Variants in ATRNL1 observed in about 807,000 individuals in gnomAD.
ATRNL1 encodes attractin-like protein 1.
A neutral mutation model predicts 182.7 loss-of-function variants in ATRNL1; 95 were observed. The ratio of observed to expected loss-of-function variants is 0.52; its 90% CI spans 0.44 to 0.62. ATRNL1 has a LOEUF of 0.62. Among genes scored for constraint, ATRNL1 ranks in the 20% least tolerant of loss-of-function variants. The pLI is 0.00. For missense variants in ATRNL1, 1,471 were observed against 1,679.5 expected (o/e 0.88, Z 2.17); for synonymous variants, 576 against 568.3 (o/e 1.01, Z -0.19).
intron 26 of ATRNL1, among the ~76,000 whole-genome samples, chr10:115,594,692 A>C (rs775665921): frequency 9.2e-5 from 14 of 152,116 alleles, no homozygotes; most frequent in Non-Finnish European, 1.9e-4. Context: ...TTTAATGGAG[A>C]TGAGGTTTCC....
At chr10:115,406,309 A>G in intron 20 of ATRNL1, among the ~76,000 whole-genome samples, 1 of 152,068 alleles carries the variant, frequency 6.6e-6, no homozygotes, top group Non-Finnish European at 1.5e-5. Context: ...TGATAATTCC[A>G]GTTTTGTTTT....
intron 19 of ATRNL1, among the ~76,000 whole-genome samples, chr10:115,366,105 G>A (rs1857022719): frequency 6.6e-6 from 1 of 152,002 alleles, no homozygotes; most frequent in Non-Finnish European, 1.5e-5. Flanking sequence ...TCTGTCTAAT[G>A]TTGACAGTGG....
At chr10:115,924,535 GT>G (rs1953162209) in intron 28 of ATRNL1, among the ~76,000 whole-genome samples, 1 of 152,060 alleles carries the variant, frequency 6.6e-6, no homozygotes, top group Non-Finnish European at 1.5e-5. Context: ...TTTTTGTCAG[GT>G]TTGTGGCAGA....
At chr10:115,508,100 T>G (rs7911518) in intron 24 of ATRNL1, among the ~76,000 whole-genome samples, 4,202 of 152,152 alleles carry the variant, frequency 0.028, 228 homozygotes, top group African/African-American at 0.097. Context: ...CACCACATTT[T>G]GGTTATTTTT....
At chr10:115,745,465 T>C (rs1408371144) in intron 27 of ATRNL1, among the ~76,000 whole-genome samples, 1 of 152,158 alleles carries the variant, frequency 6.6e-6, no homozygotes, top group Admixed American at 6.6e-5. Flanking sequence ...ATAAAATATG[T>C]TTTTATTTCT....
chr10:115,510,236 A>G (rs1592761426), intron 24 of ATRNL1, among the ~76,000 whole-genome samples: 2 of 152,108 alleles, frequency 1.3e-5, no homozygotes, highest in South Asian at 2.1e-4. Flanking sequence ...GGAATATCAC[A>G]TAAACTTGAT....
chr10:115,436,487 C>G (rs561588450), intron 21 of ATRNL1, among the ~76,000 whole-genome samples: 1 of 152,018 alleles, frequency 6.6e-6, no homozygotes, highest in South Asian at 2.1e-4. Flanking sequence ...GATATGATAT[C>G]TAGCAAATGC....
intron 28 of ATRNL1, among the ~76,000 whole-genome samples, chr10:115,935,084 A>G (rs917935334): frequency 6.6e-6 from 1 of 152,156 alleles, no homozygotes; most frequent in African/African-American, 2.4e-5. Flanking sequence ...TCACGCCTCT[A>G]TCTTTCTTTT....
At chr10:115,690,569 C>T (rs2804152) in intron 26 of ATRNL1, among the ~76,000 whole-genome samples, 25,850 of 152,032 alleles carry the variant, frequency 0.17, 2,835 homozygotes, top group East Asian at 0.36. Context: ...GACCCCTGGA[C>T]CAGAGTACTG....
chr10:115,701,451 C>G (rs912724124), intron 26 of ATRNL1, among the ~76,000 whole-genome samples: 4 of 151,862 alleles, frequency 2.6e-5, no homozygotes, highest in Admixed American at 2.6e-4. Flanking sequence ...TAACTGAAAT[C>G]AGAGCATAGC....
chr10:115,538,276 G>T (rs1353521385), intron 25 of ATRNL1, among the ~76,000 whole-genome samples: 1 of 152,190 alleles, frequency 6.6e-6, no homozygotes, highest in South Asian at 2.1e-4. Flanking sequence ...AGCTGCCACT[G>T]TTTTTCAGAG....
chr10:115,922,955 A>G (rs192789617), intron 28 of ATRNL1, among the ~76,000 whole-genome samples: 30 of 152,312 alleles, frequency 2.0e-4, no homozygotes, highest in African/African-American at 6.0e-4. Flanking sequence ...TTCTCTTCCT[A>G]TTCCTAAGAT....
intron 13 of ATRNL1, among the ~76,000 whole-genome samples, chr10:115,271,400 G>A (rs971225274): frequency 3.9e-5 from 6 of 151,956 alleles, no homozygotes; most frequent in South Asian, 2.1e-4. Context: ...CGTCATTTAC[G>A]TTAGGTATAT....
intron 20 of ATRNL1, among the ~76,000 whole-genome samples, chr10:115,414,259 C>T (rs992427684): frequency 2.6e-5 from 4 of 151,996 alleles, no homozygotes; most frequent in African/African-American, 7.2e-5. Context: ...TGCACCAATT[C>T]GGAGTATGTA....
chr10:115,163,206 C>T (rs1487353062), intron 6 of ATRNL1, among the ~76,000 whole-genome samples: 8 of 151,644 alleles, frequency 5.3e-5, no homozygotes, highest in African/African-American at 1.7e-4. Context: ...AGAAGAATCA[C>T]TTGTTATTCT....
chr10:115,822,439 C>T (rs185968137), intron 27 of ATRNL1, among the ~76,000 whole-genome samples: 55 of 152,172 alleles, frequency 3.6e-4, no homozygotes, highest in African/African-American at 1.3e-3. Flanking sequence ...CAGAGCAGAA[C>T]TGAAGGAGAT....
chr10:115,336,538 G>GA (rs1554936752), intron 19 of ATRNL1, among the ~76,000 whole-genome samples: 1 of 152,086 alleles, frequency 6.6e-6, no homozygotes, highest in Non-Finnish European at 1.5e-5. Flanking sequence ...ATAATTTGAA[G>GA]AAAAAATATA....
At chr10:115,892,633 G>T (rs1952107375) in intron 28 of ATRNL1, among the ~76,000 whole-genome samples, 1 of 152,100 alleles carries the variant, frequency 6.6e-6, no homozygotes, top group South Asian at 2.1e-4. Context: ...ATTACAGAGG[G>T]CCTGAGTTTC....
rs531627710 is a variant in ATRNL1, at chr10:115,674,584, A to G, written c.3796-52664A>G. Among the ~76,000 whole-genome samples, 7 of 152,218 alleles carry G rather than the reference A, an allele frequency of 4.6e-5. No individual in the cohort carries two copies. In the East Asian group the frequency reaches 7.7e-4, roughly 17 times the overall value. On this transcript the variant is annotated intron_variant, in intron 26 of 28. Coordinates refer to ENST00000355044, the MANE Select transcript of ATRNL1 (RefSeq NM_207303.4). ...TGAATAAGATGTAGTCCCAGTTCTC[A>G]AGGACCTCCGAGTCTACTGATGAAA...
Sources: allele counts gnomAD v4.1 joint callset (sites outside exome capture counted in the v4.1 genomes callset), GRCh38; gene constraint gnomAD v4.1.1; transcripts MANE v1.5; gene names NCBI Gene and HGNC (gene_info 2026-07-23, HGNC 2026-07-21).